The following LRBA variants were observed in gnomAD, a reference collection of about 807,000 sequenced individuals.
LRBA encodes the protein lipopolysaccharide-responsive and beige-like anchor protein.
Under a neutral mutation model 330.0 loss-of-function variants are expected in LRBA, and 176 were observed. The observed-to-expected ratio is 0.53, with a 90% CI of 0.47 to 0.60. The LOEUF (loss-of-function observed/expected upper bound fraction) is 0.60. Ranked by LOEUF, LRBA falls within the 20% of genes least tolerant of loss-of-function variation. LRBA has a pLI of 0.00. For missense variants in LRBA, 3,259 were observed against 3,444.8 expected (o/e 0.95, Z 1.35); for synonymous variants, 1,230 against 1,193.0 (o/e 1.03, Z -0.64).
intron 24 of LRBA, among the ~76,000 whole-genome samples, 196 bp downstream of exon 24, chr4:150,850,528 A>AT (rs2126913796): frequency 6.6e-6 from 1 of 152,302 alleles, no homozygotes; most frequent in South Asian, 2.1e-4. Context: ...TGCTTTTCAC[A>AT]TTTTTGTAAT....
chr4:150,907,662 T>G (rs933900187), intron 11 of LRBA, among the ~76,000 whole-genome samples: 1 of 152,024 alleles, frequency 6.6e-6, no homozygotes, highest in Admixed American at 6.6e-5. Context: ...AAGTAACAAA[T>G]GAAACAATAA....
intron 40 of LRBA, among the ~76,000 whole-genome samples, chr4:150,572,672 T>A (rs540109841): frequency 3.3e-5 from 5 of 152,226 alleles, no homozygotes; most frequent in African/African-American, 1.2e-4. Context: ...AGTAAGGAAG[T>A]TTAGCTCTGT....
chr4:150,777,050 C>T (rs903403097), intron 34 of LRBA, among the ~76,000 whole-genome samples: 4 of 146,222 alleles, frequency 2.7e-5, no homozygotes, highest in African/African-American at 1.0e-4. Flanking sequence ...TTTTTAAAGT[C>T]AGTTTTTTGA....
chr4:150,883,502 T>C (rs1560958424), intron 17 of LRBA, among the ~76,000 whole-genome samples: 1 of 152,144 alleles, frequency 6.6e-6, no homozygotes, highest in Non-Finnish European at 1.5e-5. Context: ...AGTACCAAGG[T>C]AATCATAAAC....
chr4:150,322,542 C>T (rs1418639135), intron 49 of LRBA, among the ~76,000 whole-genome samples: 1 of 152,164 alleles, frequency 6.6e-6, no homozygotes. Context: ...ATATATTTAA[C>T]ACATATTTAT....
intron 29 of LRBA, among the ~76,000 whole-genome samples, chr4:150,830,248 G>A (rs1329590701): frequency 6.6e-6 from 1 of 152,200 alleles, no homozygotes; most frequent in Non-Finnish European, 1.5e-5. Flanking sequence ...CAGTGGGCCA[G>A]TATTTGGCCC....
intron 26 of LRBA, among the ~76,000 whole-genome samples, chr4:150,845,431 C>A (rs1204091220): frequency 6.6e-6 from 1 of 152,152 alleles, no homozygotes; most frequent in African/African-American, 2.4e-5. Flanking sequence ...AAGGCTCCCA[C>A]GAATCAGGCA....
At chr4:150,815,871 T>C (rs1003266917) in intron 31 of LRBA, among the ~76,000 whole-genome samples, 3 of 151,952 alleles carry the variant, frequency 2.0e-5, no homozygotes, top group African/African-American at 7.2e-5. Flanking sequence ...AACTTTCTTT[T>C]ACTTAACCTA....
At chr4:150,500,345 C>T (rs1199251370) in intron 40 of LRBA, among the ~76,000 whole-genome samples, 3 of 151,744 alleles carry the variant, frequency 2.0e-5, no homozygotes, top group East Asian at 1.9e-4. Context: ...GAGGCTGAGG[C>T]GGGCAAATAT....
chr4:150,987,996 C>T (rs185599871), intron 2 of LRBA, among the ~76,000 whole-genome samples: 59 of 143,404 alleles, frequency 4.1e-4, no homozygotes, highest in Admixed American at 1.7e-3. Context: ...AGCAAGACTC[C>T]GTCTCAAAAA....
At chr4:150,292,147 C>T (rs145062613) in intron 53 of LRBA, among the ~76,000 whole-genome samples, 25 of 152,176 alleles carry the variant, frequency 1.6e-4, no homozygotes, top group East Asian at 3.9e-4. Context: ...AAACAGACTC[C>T]GAACCACTTA....
intron 42 of LRBA, among the ~76,000 whole-genome samples, chr4:150,473,822 T>A (rs1469690992): frequency 6.6e-6 from 1 of 152,204 alleles, no homozygotes; most frequent in Non-Finnish European, 1.5e-5. Flanking sequence ...TCCTCTTACA[T>A]ATCTATACAT....
chr4:150,788,230 A>AC (rs1244989203), intron 34 of LRBA, among the ~76,000 whole-genome samples: 1 of 136,458 alleles, frequency 7.3e-6, no homozygotes, highest in Non-Finnish European at 1.5e-5. Flanking sequence ...ACACTACCAC[A>AC]CCCGGTTAAT....
At chr4:150,518,076 C>T (rs756936658) in intron 40 of LRBA, among the ~76,000 whole-genome samples, 2 of 152,146 alleles carry the variant, frequency 1.3e-5, no homozygotes, top group South Asian at 2.1e-4. Flanking sequence ...TCTTTCAGTT[C>T]GAGAACTTTC....
intron 37 of LRBA, among the ~76,000 whole-genome samples, chr4:150,641,019 C>A (rs560789943): frequency 1.7e-4 from 26 of 152,202 alleles, no homozygotes; most frequent in African/African-American, 5.8e-4. Flanking sequence ...CAATGCCTTG[C>A]ATCACCTACT....
chr4:150,422,895 T>C (rs1749021871), intron 46 of LRBA: 1 of 890,646 alleles, frequency 1.1e-6, no homozygotes, highest in Non-Finnish European at 1.9e-6. Flanking sequence ...CACTCAGGAC[T>C]GAACCAAGAG....
chr4:150,502,395 G>T (rs1344792193), intron 40 of LRBA, among the ~76,000 whole-genome samples: 2 of 152,076 alleles, frequency 1.3e-5, no homozygotes, highest in African/African-American at 4.8e-5. Flanking sequence ...GTATTATAAG[G>T]AATGCAAAAA....
At chr4:150,958,371 G>C (rs1737774929) in intron 2 of LRBA, among the ~76,000 whole-genome samples, 1 of 149,008 alleles carries the variant, frequency 6.7e-6, no homozygotes, top group African/African-American at 2.6e-5. Context: ...AGCCACAGCT[G>C]GGATGCAGGG....
chr4:150,989,241 A>G (rs1423451680), intron 2 of LRBA, among the ~76,000 whole-genome samples: 1 of 149,888 alleles, frequency 6.7e-6, no homozygotes, highest in Non-Finnish European at 1.5e-5. Flanking sequence ...CCCGATCTGA[A>G]GTGATCCACC....
Sources: gnomAD v4.1 joint callset for allele counts (sites outside exome capture counted in the v4.1 genomes callset) on GRCh38, gnomAD v4.1.1 for gene constraint, MANE v1.5 for transcripts, NCBI Gene and HGNC (gene_info 2026-07-23, HGNC 2026-07-21) for gene names.